TENM2: variants seen among roughly 807,000 people sequenced by gnomAD.
The protein encoded by TENM2 is teneurin transmembrane protein 2.
In TENM2, 52 loss-of-function variants were observed where a neutral mutation model predicts 245.2. The observed-to-expected ratio is 0.21, with a 90% CI of 0.17 to 0.27. The LOEUF (loss-of-function observed/expected upper bound fraction) is 0.27, where lower values mean the gene tolerates loss of function less well. Ranked by LOEUF, TENM2 falls within the 10% of genes least tolerant of loss-of-function variation. TENM2 has a pLI of 1.00. For synonymous variants in TENM2, 1,363 were observed against 1,438.9 expected (o/e 0.95, Z 1.19); for missense variants, 3,046 against 3,666.8 (o/e 0.83, Z 4.37).
chr5:167,624,476 G>A (rs1778377392), intron 2 of TENM2, among the ~76,000 whole-genome samples: 1 of 152,004 alleles, frequency 6.6e-6, no homozygotes, highest in Admixed American at 6.6e-5. Context: ...TCACAACATG[G>A]GTGACCCATT....
the TENM2 span, among the ~76,000 whole-genome samples, chr5:167,169,639 C>T: frequency 7.2e-5 from 11 of 152,232 alleles, no homozygotes; most frequent in Non-Finnish European, 1.5e-4. Context: ...AATAAATAGT[C>T]TCTGTGCTCA....
intron 10 of TENM2, among the ~76,000 whole-genome samples, chr5:168,124,042 C>T (rs796537716): frequency 3.9e-5 from 6 of 152,266 alleles, no homozygotes; most frequent in African/African-American, 1.4e-4. Flanking sequence ...GATGTATATC[C>T]ACTCTATTAA....
chr5:167,357,407 C>G (rs949097843), intron 1 of TENM2, among the ~76,000 whole-genome samples: 4 of 151,694 alleles, frequency 2.6e-5, no homozygotes, highest in South Asian at 2.1e-4. Context: ...CTCAGCCTCC[C>G]GAGTAGCTGG....
intron 2 of TENM2, among the ~76,000 whole-genome samples, chr5:167,842,422 C>G (rs71603840): frequency 2.1e-4 from 32 of 151,852 alleles, no homozygotes; most frequent in Admixed American, 1.4e-3. Flanking sequence ...AAGACTATCT[C>G]TACTAAAAAT....
chr5:167,411,178 T>C (rs1762888173), intron 2 of TENM2, among the ~76,000 whole-genome samples: 1 of 152,038 alleles, frequency 6.6e-6, no homozygotes, highest in Admixed American at 6.6e-5. Context: ...TCCCTGAGGC[T>C]GAGAGAGGAT....
chr5:167,219,942 A>T, the TENM2 span, among the ~76,000 whole-genome samples: 30 of 152,306 alleles, frequency 2.0e-4, no homozygotes, highest in East Asian at 5.6e-3. Flanking sequence ...TATTTCTTTT[A>T]TATCTGTTTT....
chr5:167,630,023 G>A (rs538822106), intron 2 of TENM2, among the ~76,000 whole-genome samples: 7 of 152,082 alleles, frequency 4.6e-5, no homozygotes, highest in Non-Finnish European at 7.4e-5. Context: ...CAGTGGGTGC[G>A]GGAAATGGAC....
the TENM2 span, among the ~76,000 whole-genome samples, chr5:167,196,526 A>ATG: frequency 1.7e-4 from 24 of 138,164 alleles, no homozygotes; most frequent in Non-Finnish European, 3.3e-4. Flanking sequence ...GTATATATAT[A>ATG]TGTGTGTGTA....
intron 3 of TENM2, among the ~76,000 whole-genome samples, chr5:167,943,197 G>T: frequency 6.6e-6 from 1 of 152,212 alleles, no homozygotes; most frequent in Non-Finnish European, 1.5e-5. Flanking sequence ...GAGCTTTGAA[G>T]TGAAAATGCT....
At chr5:167,861,159 CTCTT>C (rs922925412) in intron 2 of TENM2, among the ~76,000 whole-genome samples, 2 of 152,100 alleles carry the variant, frequency 1.3e-5, no homozygotes, top group Admixed American at 1.3e-4. Context: ...GCCCACATCT[CTCTT>C]TATTTACTCC....
At chr5:167,060,946 G>T in the TENM2 span, among the ~76,000 whole-genome samples, 1 of 152,126 alleles carries the variant, frequency 6.6e-6, no homozygotes, top group East Asian at 1.9e-4. Flanking sequence ...CTGATTTCTG[G>T]TCTTTTCCCC....
the TENM2 span, among the ~76,000 whole-genome samples, chr5:167,070,132 T>TATTTATTTATTTATTTATTTATTTATTTA: frequency 6.7e-6 from 1 of 150,242 alleles, no homozygotes; most frequent in African/African-American, 2.5e-5. Flanking sequence ...TTTATTTATT[T>TATTTATTTATTTATTTATTTATTTATTTA]TTTGAGACAG....
chr5:168,184,252 G>A (rs1476526843), intron 13 of TENM2, among the ~76,000 whole-genome samples: 1 of 152,120 alleles, frequency 6.6e-6, no homozygotes, highest in Non-Finnish European at 1.5e-5. Context: ...GTGCTTGGTG[G>A]TTCCTCTGTG....
At chr5:167,419,778 TTATGA>T (rs1561939759) in intron 2 of TENM2, among the ~76,000 whole-genome samples, 1 of 152,158 alleles carries the variant, frequency 6.6e-6, no homozygotes, top group Non-Finnish European at 1.5e-5. Context: ...ATAAATATAC[TTATGA>T]TATGAAGTTA....
At chr5:167,038,746 T>A in the TENM2 span, among the ~76,000 whole-genome samples, 1 of 152,172 alleles carries the variant, frequency 6.6e-6, no homozygotes, top group Non-Finnish European at 1.5e-5. Context: ...AACTTAACAC[T>A]TACCTCTTTG....
At chr5:168,001,659 T>C (rs1581019250) in intron 5 of TENM2, among the ~76,000 whole-genome samples, 1 of 152,354 alleles carries the variant, frequency 6.6e-6, no homozygotes, top group East Asian at 1.9e-4. Context: ...AACATACATG[T>C]TTCTTTTAAG....
At chr5:167,588,376 A>G (rs1168323194) in intron 2 of TENM2, among the ~76,000 whole-genome samples, 1 of 152,222 alleles carries the variant, frequency 6.6e-6, no homozygotes, top group Non-Finnish European at 1.5e-5. Flanking sequence ...AATTTGAGGT[A>G]TCACTTATAT....
chr5:167,080,658 A>G, the TENM2 span, among the ~76,000 whole-genome samples: 1 of 152,238 alleles, frequency 6.6e-6, no homozygotes, highest in Non-Finnish European at 1.5e-5. Context: ...ATAAATATAT[A>G]AAATAAAATA....
At chr5:168,035,992 T>C (rs1289302622) in intron 5 of TENM2, among the ~76,000 whole-genome samples, 9 of 152,064 alleles carry the variant, frequency 5.9e-5, no homozygotes, top group African/African-American at 2.2e-4. Flanking sequence ...TGAAAACAAA[T>C]TGGGGAACTT....
Sources: gnomAD v4.1 joint callset for allele counts (sites outside exome capture counted in the v4.1 genomes callset) on GRCh38, gnomAD v4.1.1 for gene constraint, MANE v1.5 for transcripts, NCBI Gene and HGNC (gene_info 2026-07-23, HGNC 2026-07-21) for gene names.